Variants in FANCA observed in about 807,000 individuals in gnomAD.
FANCA encodes the protein FA complementation group A, also known as Fanconi anemia group A protein.
FANCA carries 236 observed loss-of-function variants against 194.3 expected under a neutral mutation model. The ratio of observed to expected loss-of-function variants is 1.21; its 90% CI spans 1.09 to 1.35. The LOEUF is 1.35. Ranked by LOEUF, FANCA falls within the 40% of genes most tolerant of loss-of-function variation. The probability of loss-of-function intolerance (pLI) is 0.00; values close to 1 mark genes in which losing one functional copy is unlikely to be tolerated. For missense variants in FANCA, 2,628 were observed against 1,813.9 expected (o/e 1.45, Z -8.15); for synonymous variants, 1,014 against 715.8 (o/e 1.42, Z -6.65).
chr16:89,790,696 T>C lies in FANCA; in HGVS notation c.1359+707A>G, dbSNP rs1006377286. On this transcript the variant is annotated intron_variant, in intron 14 of 42. Transcript: ENST00000389301. ...GTGAGCCGAGAAGGTGAGCTTTCTG[T>C]ACCACTGCACTCTAGCCTGGGCGAC... is the stretch of plus-strand genomic sequence containing the variant. 2.0e-5 allele frequency among the ~76,000 whole-genome samples: 3 copies of C among 150,950 alleles called. No individual in the cohort carries two copies. The Admixed American group carries it at 2.0e-4, about 10-fold the overall frequency.
At chr16:89,779,786 C>A (rs1251910708) in intron 18 of FANCA, 83 bp downstream of exon 18, 3 of 1,132,574 alleles carry the variant, frequency 2.6e-6, no homozygotes, top group East Asian at 2.4e-5. Flanking sequence ...GGCATCAGAG[C>A]AGAGTCTGCA....
intron 15 of FANCA, among the ~76,000 whole-genome samples, chr16:89,784,408 A>G (rs1449359243): frequency 6.8e-6 from 1 of 147,156 alleles, no homozygotes; most frequent in Admixed American, 6.8e-5. Flanking sequence ...CAAAAAAAAA[A>G]CCCACATGAA....
At chr16:89,762,801 T>C (rs1219491612) in intron 28 of FANCA, 10 of 446,144 alleles carry the variant, frequency 2.2e-5, no homozygotes, top group Non-Finnish European at 4.0e-5. Context: ...CAGCTAAGTT[T>C]TTTAAAAACA....
intron 20 of FANCA, among the ~76,000 whole-genome samples, chr16:89,777,981 G>GT (rs2039566380): frequency 6.6e-6 from 1 of 151,960 alleles, no homozygotes; most frequent in Non-Finnish European, 1.5e-5. Flanking sequence ...GACTAACATG[G>GT]TGAAACCCCG....
In FANCA at chr16:89,752,033, G is replaced by A. The variant is rs966775347; in HGVS notation, c.3066+105C>T. The A allele has an allele frequency of 6.1e-6, 6 of 990,324 alleles. No individual in the cohort carries two copies. The African/African-American group carries it at 7.9e-5, about 13-fold the overall frequency. The allele number at this position is 990,324 out of a possible 1,614,324, so 61.3% of individuals were successfully genotyped here. On this transcript the variant is annotated intron_variant, in intron 31 of 42. Transcript: ENST00000389301. Reference sequence around the variant, plus strand: ...GATCCGCCTGCCTCGGCCTCCCAAAGTTCTGGGATTACAGGCGTGAGCCAC... The same window carrying A: ...GATCCGCCTGCCTCGGCCTCCCAAAATTCTGGGATTACAGGCGTGAGCCAC...
At chr16:89,769,427 TAG>T (rs1399371685) in intron 26 of FANCA, among the ~76,000 whole-genome samples, 1 of 152,156 alleles carries the variant, frequency 6.6e-6, no homozygotes, top group East Asian at 1.9e-4. Context: ...TGCTGAGCCC[TAG>T]AGAAACAGCC....
At chr16:89,796,468 C>A (rs974823659) in intron 10 of FANCA, among the ~76,000 whole-genome samples, 1 of 152,150 alleles carries the variant, frequency 6.6e-6, no homozygotes, top group African/African-American at 2.4e-5. Flanking sequence ...ACAGTCACAA[C>A]AGGGACTGAG....
chr16:89,782,034 T>C lies in FANCA; in HGVS notation c.1626+825A>G, dbSNP rs1257769393. ...AAAAAAAAAAGAATGTTTTCATTAG[T>C]GACCCACACATATCACATGACCATC... On this transcript the variant is annotated intron_variant, in intron 17 of 42. Transcript: ENST00000389301. Among the ~76,000 whole-genome samples the C allele has an allele frequency of 2.6e-5, 4 of 151,168 alleles. No individual in the cohort carries two copies. The South Asian group carries it at 8.3e-4, about 31-fold the overall frequency.
chr16:89,814,214 C>G (rs1340989069), intron 3 of FANCA, among the ~76,000 whole-genome samples: 1 of 152,194 alleles, frequency 6.6e-6, no homozygotes, highest in Non-Finnish European at 1.5e-5. Context: ...ACACCACAGC[C>G]TGTCTCACTA....
At chr16:89,763,709 C>T (rs908908885) in intron 28 of FANCA, among the ~76,000 whole-genome samples, 1 of 151,990 alleles carries the variant, frequency 6.6e-6, no homozygotes, top group Non-Finnish European at 1.5e-5. Context: ...GAGGCCAAGG[C>T]GGGCAGATCA....
intron 37 of FANCA, among the ~76,000 whole-genome samples, chr16:89,742,535 C>T (rs190894798): frequency 1.4e-4 from 21 of 151,046 alleles, no homozygotes; most frequent in Admixed American, 9.3e-4. Context: ...GCCAGCTGGG[C>T]GTGGTGGCTC....
At chr16:89,815,662 T>G (rs113408961) in intron 2 of FANCA, among the ~76,000 whole-genome samples, 28 of 152,114 alleles carry the variant, frequency 1.8e-4, no homozygotes, top group African/African-American at 5.8e-4. Flanking sequence ...GGCCTGTTTT[T>G]TTGTTGTTGT....
rs1460469198 is a variant in FANCA, at chr16:89,758,679, T to C, written c.2879A>G (p.His960Arg). 7 of 1,613,860 alleles carry C rather than the reference T, an allele frequency of 4.3e-6. No homozygotes were observed. Among genetic ancestry groups the C allele is most frequent in the Non-Finnish European group, 5.9e-6 (7 of 1,179,896 alleles). ...ERQDFHQWAI[H>R]EHFLPESSAS... ...CGAGGACTCAGGGAGAAAGTGCTCA[T>C]GGATCGCCCACTGGTGGAAGTCCTG... The change falls in exon 30 of 43, where the codon CAT (histidine) becomes CGT (arginine). Residue 960 changes from histidine (H) to arginine (R), a missense_variant. By Grantham distance (29) the His-to-Arg change is conservative (BLOSUM62 0). Transcript: ENST00000389301.
At chr16:89,791,891 C>G in intron 13 of FANCA, 36 bp downstream of exon 13, 1 of 1,613,724 alleles carries the variant, frequency 6.2e-7, no homozygotes, top group South Asian at 1.1e-5. Flanking sequence ...TACACACACT[C>G]TTGACCAGCA....
intron 27 of FANCA, among the ~76,000 whole-genome samples, chr16:89,765,946 G>C (rs2039111671): frequency 6.6e-6 from 1 of 152,106 alleles, no homozygotes; most frequent in Non-Finnish European, 1.5e-5. Context: ...AGTTTCAAAA[G>C]CTTCTCAGTT....
At chr16:89,761,420 G>GAAAAAAAA (rs56659330) in intron 29 of FANCA, among the ~76,000 whole-genome samples, 8 of 95,656 alleles carry the variant, frequency 8.4e-5, no homozygotes, top group Admixed American at 2.3e-4. Context: ...CTCTGTCTCA[G>GAAAAAAAA]AAAAAAAAAA....
chr16:89,805,470 A>C (rs2040606778), intron 6 of FANCA, 78 bp from the exon 7 acceptor site: 12 of 1,216,806 alleles, frequency 9.9e-6, no homozygotes, highest in Non-Finnish European at 1.3e-5. Flanking sequence ...CATATGTCCC[A>C]ATTTTTTTTT....
intron 20 of FANCA, among the ~76,000 whole-genome samples, chr16:89,777,134 CAGG>C (rs985315013): frequency 2.6e-5 from 4 of 151,552 alleles, no homozygotes; most frequent in Non-Finnish European, 4.4e-5. Flanking sequence ...TGTTGAAACC[CAGG>C]AGGTCAAGGC....
At chr16:89,811,340 T>C (rs538763023) in intron 3 of FANCA, among the ~76,000 whole-genome samples, 1 of 152,354 alleles carries the variant, frequency 6.6e-6, no homozygotes, top group South Asian at 2.1e-4. Flanking sequence ...AGGAGCAAGA[T>C]AAAGAAATAT....
Sources: allele counts gnomAD v4.1 joint callset (sites outside exome capture counted in the v4.1 genomes callset), GRCh38; gene constraint gnomAD v4.1.1; transcripts MANE v1.5; gene names NCBI Gene and HGNC (gene_info 2026-07-23, HGNC 2026-07-21).